BNC1: variants seen among roughly 807,000 people sequenced by gnomAD.
BNC1 encodes the protein zinc finger protein basonuclin-1.
In BNC1, 8 loss-of-function variants were observed where a neutral mutation model predicts 66.5. That is an observed-to-expected ratio of 0.12 (90% CI 0.07 to 0.22). The LOEUF (loss-of-function observed/expected upper bound fraction) is 0.22. BNC1 is among the 10% of genes least tolerant of loss of function. BNC1 has a pLI of 1.00. For synonymous variants in BNC1, 454 were observed against 452.6 expected (o/e 1.00, Z -0.04); for missense variants, 1,069 against 1,241.3 (o/e 0.86, Z 2.09).
chr15:83,283,157 G>T lies in BNC1; in HGVS notation c.99+1373C>A, dbSNP rs1386330576. The T allele has an allele frequency of 3.9e-6, 6 of 1,535,554 alleles. No homozygotes were observed. In the Admixed American group the frequency reaches 5.9e-5, roughly 15 times the overall value. ...AACTGTCAGACTCGGAGCGGTGGCA[G>T]CCCCGCAGCCACAAAGAGATGCCTT... On this transcript the variant is annotated intron_variant, in intron 1 of 4. Transcript: ENST00000345382.
rs1299901549 is a variant in BNC1 at position 83,260,263 on chromosome 15, C to T, written c.2301-2137G>A. Among the ~76,000 whole-genome samples, 4 of 152,012 alleles carry T rather than the reference C, an allele frequency of 2.6e-5. 1 individual carries two copies. Among genetic ancestry groups the T allele is most frequent in the African/African-American group, 9.7e-5 (4 of 41,382 alleles). ...CGAAGTCAGACATTAATGAGATTTACAAAAATGTAAAACAAAGCCACTCAT... is the reference window on the plus strand; with the variant it reads ...CGAAGTCAGACATTAATGAGATTTATAAAAATGTAAAACAAAGCCACTCAT... On this transcript the variant is annotated intron_variant, in intron 4 of 4. Coordinates refer to ENST00000345382, the MANE Select transcript of BNC1 (RefSeq NM_001717.4).
intron 4 of BNC1, among the ~76,000 whole-genome samples, chr15:83,262,240 AC>A (rs1761636566): frequency 1.3e-5 from 2 of 151,986 alleles, no homozygotes; most frequent in African/African-American, 4.8e-5. Context: ...TTTAGTAGAG[AC>A]AGGATTTCAC....
At chr15:83,283,172 A>G (rs1316398514) in intron 1 of BNC1, 7 of 1,535,664 alleles carry the variant, frequency 4.6e-6, no homozygotes, top group Middle Eastern at 1.7e-4. Context: ...GCAGCCACAA[A>G]GAGATGCCTT....
chr15:83,271,286 C>T (rs1162121965), intron 1 of BNC1, among the ~76,000 whole-genome samples: 1 of 152,156 alleles, frequency 6.6e-6, no homozygotes, highest in African/African-American at 2.4e-5. Context: ...TGCTTAAATA[C>T]AGGTTAAATT....
In BNC1 at chr15:83,258,045, A is replaced by G. The variant is rs757629907; in HGVS notation, c.2382T>C (p.Ala794=). The G allele has an allele frequency of 5.6e-6, 9 of 1,613,926 alleles. No homozygotes were observed. The highest frequency in any genetic ancestry group is 7.6e-6 in the Non-Finnish European group (9 of 1,179,798). ...CCTTAGCCACATCTTTCAGAAGGTA[A>G]GCTGCACGGAAATGATCTTCACTAC... ...LESSEDHFRA[A]YLLKDVAKEA... Residue 794 remains alanine, a synonymous_variant, in exon 5 of 5, where the codon GCT becomes GCC. Transcript: ENST00000345382.
At chr15:83,275,701 G>C (rs1236058009) in intron 1 of BNC1, among the ~76,000 whole-genome samples, 2 of 152,076 alleles carry the variant, frequency 1.3e-5, no homozygotes, top group African/African-American at 4.8e-5. Flanking sequence ...AGAAGGCATA[G>C]CAAGTGCAAA....
intron 1 of BNC1, among the ~76,000 whole-genome samples, chr15:83,270,596 T>C (rs1225181223): frequency 6.6e-6 from 1 of 152,218 alleles, no homozygotes; most frequent in Non-Finnish European, 1.5e-5. Context: ...GTGCTCAGCA[T>C]CTCTTCATGT....
chr15:83,269,509 A>T (rs2038249630), intron 1 of BNC1, among the ~76,000 whole-genome samples: 1 of 152,096 alleles, frequency 6.6e-6, no homozygotes, highest in Admixed American at 6.6e-5. Context: ...TAATCTGCCA[A>T]TTGAGGGACT....
Position 83,267,008 on chromosome 15 carries a change from T to C in BNC1, c.263A>G (p.Asn88Ser), listed in dbSNP as rs751328319. Reference sequence around the variant, plus strand: ...GAGGCTGCTAATATCAAACACTACATTGGACTGGACAATCTCCACCTGGCT... The same window carrying C: ...GAGGCTGCTAATATCAAACACTACACTGGACTGGACAATCTCCACCTGGCT... ...PTSQVEIVQS[N>S]VVFDISSLML... Residue 88 changes from asparagine (N) to serine (S), a missense_variant, in exon 3 of 5, where the codon AAT (asparagine) becomes AGT (serine). Asn to Ser is a conservative substitution (Grantham distance 46). Transcript: ENST00000345382. 5.0e-6 allele frequency: 8 copies of C among 1,614,104 alleles called. No individual in the cohort carries two copies. Among genetic ancestry groups the C allele is most frequent in the South Asian group, 2.2e-5 (2 of 91,066 alleles).
intron 1 of BNC1, among the ~76,000 whole-genome samples, chr15:83,281,349 G>T (rs575015978): frequency 6.6e-6 from 1 of 152,162 alleles, no homozygotes; most frequent in Admixed American, 6.5e-5. Context: ...CAAAAATAAA[G>T]AAACAAAAAC....
At chr15:83,272,593 T>A (rs2038280461) in intron 1 of BNC1, among the ~76,000 whole-genome samples, 1 of 152,156 alleles carries the variant, frequency 6.6e-6, no homozygotes, top group Non-Finnish European at 1.5e-5. Context: ...CACATTTTGC[T>A]TATTTGGAAA....
At chr15:83,281,020 C>T (rs72758352) in intron 1 of BNC1, among the ~76,000 whole-genome samples, 8,017 of 151,932 alleles carry the variant, frequency 0.053, 259 homozygotes, top group East Asian at 0.11. Context: ...CATGTGTAGA[C>T]GGCAAGAGTG....
intron 4 of BNC1, among the ~76,000 whole-genome samples, chr15:83,260,751 G>A (rs2038131170): frequency 6.6e-6 from 1 of 152,216 alleles, no homozygotes. Context: ...ATGGGTCTTG[G>A]TAACTGTTGC....
intron 1 of BNC1, among the ~76,000 whole-genome samples, chr15:83,272,234 A>T (rs1203271601): frequency 6.6e-6 from 1 of 152,002 alleles, no homozygotes; most frequent in African/African-American, 2.4e-5. Context: ...TTTTTTTAAA[A>T]TTTTTATTTA....
At chr15:83,276,216 CACA>C (rs2038321376) in intron 1 of BNC1, among the ~76,000 whole-genome samples, 3 of 152,196 alleles carry the variant, frequency 2.0e-5, no homozygotes, top group East Asian at 1.9e-4. Context: ...CTGCCAGACC[CACA>C]ACAAGTAAGT....
At position 83,259,352 on chromosome 15, in the gene BNC1, G is replaced by A. The variant is rs971031631; in HGVS notation, c.2301-1226C>T. Among the ~76,000 whole-genome samples, 4 of 152,172 alleles carry A rather than the reference G, an allele frequency of 2.6e-5. No homozygotes were observed. In the East Asian group the frequency reaches 7.7e-4, roughly 29 times the overall value. On this transcript the variant is annotated intron_variant, in intron 4 of 4. Transcript: ENST00000345382. ...CAGAATGTATGGCAGAGTCAAGTTG[G>A]GAAAACACCTTCACCAAAATAACTA...
chr15:83,258,693 C>T (rs2038110608), intron 4 of BNC1, among the ~76,000 whole-genome samples: 4 of 152,140 alleles, frequency 2.6e-5, no homozygotes, highest in African/African-American at 9.7e-5. Flanking sequence ...AAGAAAAGGA[C>T]TTTATTTCAA....
At chr15:83,281,817 T>C (rs1396971383) in intron 1 of BNC1, among the ~76,000 whole-genome samples, 3 of 152,258 alleles carry the variant, frequency 2.0e-5, no homozygotes, top group African/African-American at 7.2e-5. Context: ...CAGGGAAACC[T>C]GTATGGCTTT....
chr15:83,263,895 A>C lies in BNC1; in HGVS notation c.1356T>G (p.Pro452=), dbSNP rs768374759. 1 of 1,613,994 alleles carries C rather than the reference A, an allele frequency of 6.2e-7. No homozygotes were observed. The highest frequency in any genetic ancestry group is 1.3e-5 in the African/African-American group (1 of 74,906). The change falls in exon 4 of 5, where the codon CCT becomes CCG. Residue 452 remains proline, a synonymous_variant. Coordinates refer to ENST00000345382, the MANE Select transcript of BNC1 (RefSeq NM_001717.4). The part of the protein sequence containing the change: ...GFTVTSPDCR[P]PPSYPGSGED... ...CTCCTGAACCAGGGTAGCTGGGAGG[A>C]GGCCTACAGTCTGGGGACGTCACTG...
Sources: gnomAD v4.1 joint callset for allele counts (sites outside exome capture counted in the v4.1 genomes callset) on GRCh38, gnomAD v4.1.1 for gene constraint, MANE v1.5 for transcripts, NCBI Gene and HGNC (gene_info 2026-07-23, HGNC 2026-07-21) for gene names.